Variants in CILK1 observed in about 807,000 individuals in gnomAD.
The protein encoded by CILK1 is serine/threonine-protein kinase ICK.
In CILK1, 47 loss-of-function variants were observed where a neutral mutation model predicts 79.2. That is an observed-to-expected ratio of 0.59 (90% CI 0.47 to 0.76). CILK1 has a LOEUF of 0.76. CILK1 is among the 30% of genes least tolerant of loss of function. The probability of loss-of-function intolerance (pLI) is 0.00; values close to 1 mark genes in which losing one functional copy is unlikely to be tolerated. For synonymous variants in CILK1, 266 were observed against 275.9 expected (o/e 0.96, Z 0.36); for missense variants, 660 against 769.5 (o/e 0.86, Z 1.68).
Position 53,037,959 on chromosome 6 carries a change from T to C in CILK1, c.136A>G (p.Met46Val), listed in dbSNP as rs1766464843. The C allele has an allele frequency of 1.9e-6, 3 of 1,592,672 alleles. No individual in the cohort carries two copies. Among genetic ancestry groups the C allele is most frequent in the African/African-American group, 1.3e-5 (1 of 74,602 alleles). ...TATACCTTAACCTCCCGAAGGTTCA[T>C]GCATTCCTCCCAGGAATAAAATTTT... Reference protein sequence around the residue: ...KRKFYSWEECMNLREVKSLKK... With the variant: ...KRKFYSWEECVNLREVKSLKK... Residue 46 changes from methionine (M) to valine (V), a missense_variant, in exon 3 of 14, where the codon ATG (methionine) becomes GTG (valine). Physicochemically the swap from Met to Val is conservative, Grantham distance 21 (BLOSUM62 1). Transcript: ENST00000676107.
chr6:53,028,473 A>G (rs1376905531), intron 5 of CILK1, among the ~76,000 whole-genome samples: 1 of 152,248 alleles, frequency 6.6e-6, no homozygotes, highest in African/African-American at 2.4e-5. Flanking sequence ...GACCTTTCAC[A>G]GGTGTTTGAA....
At chr6:53,008,901 G>T (rs1357891669) in intron 12 of CILK1, among the ~76,000 whole-genome samples, 1 of 152,224 alleles carries the variant, frequency 6.6e-6, no homozygotes, top group African/African-American at 2.4e-5. Flanking sequence ...AGGGAAAAAT[G>T]ATGCAGGAAA....
chr6:53,031,069 T>C lies in CILK1; in HGVS notation c.354A>G (p.Lys118=), dbSNP rs143876718. 1 of 1,592,298 alleles carries C rather than the reference T, an allele frequency of 6.3e-7. No individual in the cohort carries two copies. The highest frequency in any genetic ancestry group is 1.3e-5 in the African/African-American group (1 of 74,542). Residue 118 remains lysine (K), a synonymous_variant, in exon 5 of 14, where the codon AAA becomes AAG. Transcript: ENST00000676107. ...QILQGLAFIH[K]HGFFHRDLKP... ...ACAACACTCCGAATCACCTACCGTG[T>C]TTGTGAATAAATGCGAGTCCTTGTA...
At chr6:53,037,905 TC>T (rs1354996152) in intron 3 of CILK1, 33 bp downstream of exon 3, 5 of 1,207,682 alleles carry the variant, frequency 4.1e-6, no homozygotes, top group Non-Finnish European at 6.2e-6. Flanking sequence ...ATTTTAATCA[TC>T]CATAAATTAT....
chr6:53,056,628 T>C (rs2127472288), intron 1 of CILK1, among the ~76,000 whole-genome samples: 1 of 152,334 alleles, frequency 6.6e-6, no homozygotes, highest in East Asian at 1.9e-4. Context: ...ACAAGCTGTG[T>C]TTAACCTTAG....
Position 53,013,985 on chromosome 6 carries a change from G to A in CILK1, c.832-3C>T, listed in dbSNP as rs1030649041. On this transcript the variant is annotated splice_polypyrimidine_tract_variant and splice_region_variant and intron_variant, in intron 8 of 13. Transcript: ENST00000676107. Reference sequence around the variant, plus strand: ...TGGAAGTAAGGATATCGAAGTGCCTGGAATGACAAATAAGGCTTTAGGAGA... The same window carrying A: ...TGGAAGTAAGGATATCGAAGTGCCTAGAATGACAAATAAGGCTTTAGGAGA... The A allele has an allele frequency of 3.7e-6, 6 of 1,611,390 alleles. No individual in the cohort carries two copies. Among genetic ancestry groups the A allele is most frequent in the Non-Finnish European group, 5.1e-6 (6 of 1,177,896 alleles).
intron 1 of CILK1, chr6:53,061,102 G>A (rs1768411349): frequency 6.6e-6 from 1 of 152,190 alleles, no homozygotes; most frequent in Non-Finnish European, 1.5e-5. Context: ...TAGTGTCAAA[G>A]TCAAACTTTA....
At chr6:53,049,264 T>G (rs1038774809) in intron 1 of CILK1, among the ~76,000 whole-genome samples, 3 of 152,234 alleles carry the variant, frequency 2.0e-5, no homozygotes, top group Non-Finnish European at 4.4e-5. Context: ...ATACTAACTT[T>G]TGTATTTTAG....
intron 11 of CILK1, among the ~76,000 whole-genome samples, chr6:53,009,909 C>T (rs139285864): frequency 2.0e-5 from 3 of 152,254 alleles, no homozygotes; most frequent in Middle Eastern, 6.8e-3. Context: ...TTCTCCATCC[C>T]CCACCCATGG....
chr6:53,042,278 A>C (rs1766772861), intron 1 of CILK1, among the ~76,000 whole-genome samples: 1 of 152,242 alleles, frequency 6.6e-6, no homozygotes, highest in Non-Finnish European at 1.5e-5. Flanking sequence ...GAAATGAATC[A>C]GCTCCAATTC....
chr6:53,058,258 C>G (rs1237658144), intron 1 of CILK1, among the ~76,000 whole-genome samples: 2 of 152,062 alleles, frequency 1.3e-5, no homozygotes, highest in Non-Finnish European at 2.9e-5. Context: ...ATGAAGATGC[C>G]CATATCAACC....
chr6:53,014,829 A>G (rs1764799603), intron 8 of CILK1, among the ~76,000 whole-genome samples: 1 of 152,180 alleles, frequency 6.6e-6, no homozygotes, highest in Non-Finnish European at 1.5e-5. Flanking sequence ...AGCTTTTCAC[A>G]CTATTCTTAA....
intron 1 of CILK1, among the ~76,000 whole-genome samples, chr6:53,042,248 G>A (rs759382167): frequency 2.0e-5 from 3 of 152,182 alleles, no homozygotes; most frequent in Non-Finnish European, 4.4e-5. Flanking sequence ...TGCTTGGAAA[G>A]TAAATTTGTC....
intron 3 of CILK1, among the ~76,000 whole-genome samples, chr6:53,037,310 A>G (rs1766407371): frequency 6.6e-6 from 1 of 152,108 alleles, no homozygotes; most frequent in South Asian, 2.1e-4. Flanking sequence ...GCAGGGGGAA[A>G]GGAGGAGAAT....
intron 5 of CILK1, among the ~76,000 whole-genome samples, chr6:53,028,702 G>A (rs1218055122): frequency 6.6e-6 from 1 of 152,182 alleles, no homozygotes; most frequent in Admixed American, 6.5e-5. Flanking sequence ...CATAAACTGA[G>A]CCTTCCCTGG....
intron 1 of CILK1, among the ~76,000 whole-genome samples, chr6:53,060,013 G>A (rs920784244): frequency 6.6e-6 from 1 of 152,176 alleles, no homozygotes; most frequent in African/African-American, 2.4e-5. Context: ...CAAAGGTCTT[G>A]ATGACTCATT....
chr6:53,012,063 TTTC>T lies in CILK1; in HGVS notation c.1314_1316del (p.Lys439del), dbSNP rs753794098. 6.2e-7 allele frequency: 1 copy of T among 1,614,246 alleles called. No individual in the cohort carries two copies. The highest frequency in any genetic ancestry group is 1.1e-5 in the South Asian group (1 of 91,088). ...TGCAGAGAGTGTCATCACTCTGTCT[TTTC>T]TTGTTTTTCAGGTCAATCCTGCTGA... On this transcript the variant is annotated inframe_deletion, in exon 10 of 14. Transcript: ENST00000676107.
At chr6:53,046,483 T>C (rs1581755300) in intron 1 of CILK1, among the ~76,000 whole-genome samples, 1 of 152,214 alleles carries the variant, frequency 6.6e-6, no homozygotes, top group Admixed American at 6.5e-5. Flanking sequence ...GAGTGGGTCA[T>C]TCATTCAATG....
chr6:53,032,174 CAGCTTCTCTGAAGCTA>C (rs1766010454), intron 4 of CILK1, among the ~76,000 whole-genome samples: 1 of 152,166 alleles, frequency 6.6e-6, no homozygotes, highest in South Asian at 2.1e-4. Context: ...GCATTGAGAA[CAGCTTCTCTGAAGCTA>C]TCAGAGGGCC....
Sources: allele counts gnomAD v4.1 joint callset (sites outside exome capture counted in the v4.1 genomes callset), GRCh38; gene constraint gnomAD v4.1.1; transcripts MANE v1.5; gene names NCBI Gene and HGNC (gene_info 2026-07-23, HGNC 2026-07-21).